Variants in DIP2C observed in about 807,000 individuals in gnomAD.
The protein encoded by DIP2C is disco-interacting protein 2 homolog C.
Under a neutral mutation model 192.4 loss-of-function variants are expected in DIP2C, and 33 were observed. The ratio of observed to expected loss-of-function variants is 0.17; its 90% CI spans 0.13 to 0.23. DIP2C has a LOEUF of 0.23. DIP2C is among the 10% of genes least tolerant of loss of function. The pLI, the probability that DIP2C is intolerant of heterozygous loss-of-function variation, is 1.00. For synonymous variants in DIP2C, 979 were observed against 864.1 expected (o/e 1.13, Z -2.33); for missense variants, 1,537 against 2,110.1 (o/e 0.73, Z 5.32).
rs548376699 is a variant in DIP2C at position 471,460 on chromosome 10, C to T, written c.268+979G>A. Among the ~76,000 whole-genome samples the T allele has an allele frequency of 2.6e-5, 4 of 152,292 alleles. No homozygotes were observed. The South Asian group carries it at 8.3e-4, about 32-fold the overall frequency. Reference sequence around the variant, plus strand: ...GCTTTCCTCGAACACCAGGTGAGTTCCGTCATCCCTTAGCCTCACTTTTTT... The same window carrying T: ...GCTTTCCTCGAACACCAGGTGAGTTTCGTCATCCCTTAGCCTCACTTTTTT... On this transcript the variant is annotated intron_variant, in intron 3 of 36. Transcript: ENST00000280886.
chr10:397,012 G>A (rs988428348), intron 10 of DIP2C, among the ~76,000 whole-genome samples: 2 of 152,278 alleles, frequency 1.3e-5, no homozygotes, highest in Non-Finnish European at 2.9e-5. Context: ...AAGGAACCCC[G>A]TGTTCTCTCC....
chr10:645,915 G>A (rs932562091), intron 1 of DIP2C, among the ~76,000 whole-genome samples: 3 of 152,076 alleles, frequency 2.0e-5, no homozygotes, highest in African/African-American at 7.2e-5. Context: ...CCCGACCTCT[G>A]ATTTTATCTT....
chr10:486,205 A>G (rs1156706054), intron 2 of DIP2C, among the ~76,000 whole-genome samples: 1 of 152,260 alleles, frequency 6.6e-6, no homozygotes, highest in Non-Finnish European at 1.5e-5. Flanking sequence ...AGCATTTTAA[A>G]GTAACCAACC....
At chr10:603,983 G>A (rs1322401803) in intron 1 of DIP2C, among the ~76,000 whole-genome samples, 7 of 39,072 alleles carry the variant, frequency 1.8e-4, no homozygotes, top group East Asian at 6.4e-4. Flanking sequence ...AAGCCCCTCC[G>A]GCCCCAGCTC....
At chr10:649,808 G>T in intron 1 of DIP2C, 2 of 423,562 alleles carry the variant, frequency 4.7e-6, no homozygotes, top group Non-Finnish European at 8.5e-6. Context: ...AAAAGACAGG[G>T]TCTTTCTGGC....
rs746647695 is a variant in DIP2C, at chr10:384,642, G to A, written c.1663-3C>T. On this transcript the variant is annotated splice_region_variant and splice_polypyrimidine_tract_variant and intron_variant, in intron 14 of 36. Transcript: ENST00000280886. ...ACATGCATCATGTTCATGACGCTCT[G>A]CAATCAACAAAGGAACACGCAGGGT... 3.7e-6 allele frequency: 6 copies of A among 1,613,726 alleles called. No individual in the cohort carries two copies. Among genetic ancestry groups the A allele is most frequent in the Non-Finnish European group, 4.2e-6 (5 of 1,179,934 alleles).
chr10:282,961 G>A (rs1954913522), intron 35 of DIP2C, among the ~76,000 whole-genome samples: 1 of 152,390 alleles, frequency 6.6e-6, no homozygotes, highest in African/African-American at 2.4e-5. Flanking sequence ...TCTGTGGTCT[G>A]AGACTCTGAG....
intron 1 of DIP2C, among the ~76,000 whole-genome samples, chr10:588,336 C>T (rs143838381): frequency 5.3e-4 from 80 of 152,368 alleles, no homozygotes; most frequent in African/African-American, 1.8e-3. Flanking sequence ...GTCCTGGGAA[C>T]TTAAACTCTG....
At chr10:283,126 C>T (rs564274242) in intron 35 of DIP2C, 146 bp downstream of exon 35, 2 of 1,138,490 alleles carry the variant, frequency 1.8e-6, no homozygotes, top group Non-Finnish European at 2.5e-6. Flanking sequence ...TGCTCTTAAA[C>T]TCGGTTCTTT....
intron 22 of DIP2C, among the ~76,000 whole-genome samples, chr10:361,361 G>A (rs1223438248): frequency 1.3e-5 from 2 of 152,152 alleles, no homozygotes; most frequent in African/African-American, 4.8e-5. Context: ...TCCCCACTGG[G>A]TTTTCCTGAC....
At chr10:442,370 T>C (rs920341807) in intron 3 of DIP2C, among the ~76,000 whole-genome samples, 36 of 150,450 alleles carry the variant, frequency 2.4e-4, no homozygotes, top group Middle Eastern at 3.4e-3. Context: ...TCTCTCTAAC[T>C]AGATAAAGAG....
intron 10 of DIP2C, 115 bp from the exon 11 acceptor site, chr10:390,978 C>A (rs1963413346): frequency 2.1e-6 from 3 of 1,435,822 alleles, no homozygotes; most frequent in Non-Finnish European, 2.8e-6. Flanking sequence ...CAGGATCCAA[C>A]CCCCAGCCCT....
intron 32 of DIP2C, among the ~76,000 whole-genome samples, chr10:296,655 T>C (rs1019372766): frequency 4.6e-5 from 7 of 152,086 alleles, no homozygotes; most frequent in Non-Finnish European, 8.8e-5. Context: ...CCATCAATGA[T>C]AGACTGGATT....
chr10:580,812 AAC>A (rs1447811738), intron 1 of DIP2C, among the ~76,000 whole-genome samples: 4 of 152,212 alleles, frequency 2.6e-5, no homozygotes, highest in African/African-American at 7.2e-5. Flanking sequence ...TAGTGACAAA[AAC>A]ACAGTGAGAA....
chr10:608,217 CCA>C (rs1431545668), intron 1 of DIP2C, among the ~76,000 whole-genome samples: 2 of 33,742 alleles, frequency 5.9e-5, no homozygotes, highest in Admixed American at 3.3e-4. Context: ...CACAGCCCCC[CCA>C]CACACACCCC....
At chr10:536,281 C>T (rs1350618010) in intron 1 of DIP2C, among the ~76,000 whole-genome samples, 4 of 152,240 alleles carry the variant, frequency 2.6e-5, no homozygotes, top group Non-Finnish European at 2.9e-5. Flanking sequence ...CCAAGGACAC[C>T]AGCCATTGGG....
intron 1 of DIP2C, among the ~76,000 whole-genome samples, chr10:542,411 G>A (rs1848048242): frequency 6.6e-6 from 1 of 152,170 alleles, no homozygotes; most frequent in Admixed American, 6.5e-5. Context: ...TCCAACACTG[G>A]GGAAAACAAG....
intron 1 of DIP2C, among the ~76,000 whole-genome samples, chr10:550,386 A>G (rs1848522084): frequency 6.6e-6 from 1 of 152,180 alleles, no homozygotes; most frequent in South Asian, 2.1e-4. Context: ...CAAGCATTCA[A>G]TTACCCACAG....
At chr10:352,982 C>T (rs1056189338) in intron 24 of DIP2C, among the ~76,000 whole-genome samples, 4 of 152,104 alleles carry the variant, frequency 2.6e-5, no homozygotes, top group Admixed American at 1.3e-4. Flanking sequence ...GGCGAGTGTC[C>T]CATAAAGCAA....
Sources: allele counts gnomAD v4.1 joint callset (sites outside exome capture counted in the v4.1 genomes callset), GRCh38; gene constraint gnomAD v4.1.1; transcripts MANE v1.5; gene names NCBI Gene and HGNC (gene_info 2026-07-23, HGNC 2026-07-21).